The following CACNA1C variants were observed in gnomAD, a reference collection of about 807,000 sequenced individuals.
CACNA1C encodes the protein voltage-dependent L-type calcium channel subunit alpha-1C.
In CACNA1C, 30 loss-of-function variants were observed where a neutral mutation model predicts 229.0. That is an observed-to-expected ratio of 0.13 (90% CI 0.10 to 0.18). The LOEUF (loss-of-function observed/expected upper bound fraction) is 0.18, where lower values mean the gene tolerates loss of function less well. CACNA1C is among the 10% of genes least tolerant of loss of function. The pLI, the probability that CACNA1C is intolerant of heterozygous loss-of-function variation, is 1.00. For synonymous variants in CACNA1C, 1,114 were observed against 1,132.5 expected (o/e 0.98, Z 0.33); for missense variants, 1,658 against 2,845.0 (o/e 0.58, Z 9.49).
chr12:2,663,396 A>G (rs1337745812), intron 34 of CACNA1C, among the ~76,000 whole-genome samples: 4 of 152,242 alleles, frequency 2.6e-5, no homozygotes, highest in Non-Finnish European at 5.9e-5. Flanking sequence ...TACAGCCACT[A>G]TGGAAAACAG....
chr12:2,501,228 A>AAAAAAAAAAAAAAAAAAAAAC (rs2099759344), intron 7 of CACNA1C, among the ~76,000 whole-genome samples: 1 of 150,834 alleles, frequency 6.6e-6, no homozygotes, highest in Non-Finnish European at 1.5e-5. Context: ...AAAAAAAAAA[A>AAAAAAAAAAAAAAAAAAAAAC]AAAAAAGTAA....
intron 44 of CACNA1C, 107 bp from the exon 45 acceptor site, chr12:2,686,059 G>A (rs12829882): frequency 6.5e-5 from 64 of 982,034 alleles, no homozygotes; most frequent in African/African-American, 5.4e-4. Context: ...AAGGAGGAGC[G>A]TCTCGGGCCA....
At chr12:2,510,933 G>A (rs2099782345) in intron 8 of CACNA1C, among the ~76,000 whole-genome samples, 1 of 152,218 alleles carries the variant, frequency 6.6e-6, no homozygotes, top group Non-Finnish European at 1.5e-5. Context: ...CAGGGGATAA[G>A]AGGTTAGGAG....
chr12:2,488,399 G>A lies in CACNA1C; in HGVS notation c.916+2137G>A, dbSNP rs143200312. ...GGGAGCCGTCCTGAAGGCCATAGCC[G>A]TAGGGCCCAGTGAAGAGGTCGCCCC... On this transcript the variant is annotated intron_variant, in intron 6 of 46. Transcript: ENST00000399655. This position sits in a 1 kb window ranked among gnomAD's most constrained non-coding sequence, Gnocchi z 4.0. Among the ~76,000 whole-genome samples the A allele has an allele frequency of 4.9e-3, 741 of 152,304 alleles. 2 individuals are homozygous for A. Among genetic ancestry groups the A allele is most frequent in the African/African-American group, 6.5e-3 (269 of 41,580 alleles).
intron 1 of CACNA1C, among the ~76,000 whole-genome samples, chr12:2,089,366 C>T (rs901176943): frequency 1.5e-4 from 23 of 152,188 alleles, no homozygotes; most frequent in African/African-American, 5.1e-4. Flanking sequence ...ATATTAAATA[C>T]AACAGAGGTC....
Position 2,677,660 on chromosome 12 carries a change from C to A in CACNA1C, c.4957-73C>A. On this transcript the variant is annotated intron_variant, in intron 40 of 46. Coordinates refer to ENST00000399655, the MANE Select transcript of CACNA1C (RefSeq NM_000719.7). This position sits in a 1 kb window ranked among gnomAD's most constrained non-coding sequence, Gnocchi z 7.4. The stretch of plus-strand genomic sequence containing the variant: ...GGGCCCTGGAGGGACAGGTCTTGGC[C>A]CGAGGCTGTGGCTGGCTGGGGAGCT... The A allele has an allele frequency of 6.5e-7, 1 of 1,540,864 alleles. No homozygotes were observed. Among genetic ancestry groups the A allele is most frequent in the Non-Finnish European group, 8.8e-7 (1 of 1,135,996 alleles).
At chr12:2,642,332 C>CCCTTCCCCTCT (rs1569001611) in intron 30 of CACNA1C, among the ~76,000 whole-genome samples, 2 of 152,004 alleles carry the variant, frequency 1.3e-5, no homozygotes, top group African/African-American at 4.8e-5. Context: ...CCTTCCCCTC[C>CCCTTCCCCTCT]GTGTAAGGGT....
upstream of CACNA1C, among the ~76,000 whole-genome samples, chr12:2,052,875 G>A (rs2052655246): frequency 5.6e-5 from 8 of 143,798 alleles, no homozygotes; most frequent in Admixed American, 4.8e-4. Context: ...AGCGTTCAGC[G>A]CGTCTGCCTC....
At chr12:2,650,515 C>T (rs544448865) in intron 31 of CACNA1C, among the ~76,000 whole-genome samples, 7 of 152,278 alleles carry the variant, frequency 4.6e-5, no homozygotes, top group East Asian at 1.9e-4. Flanking sequence ...TCCCGGTGCC[C>T]GCAGGTCTGG....
chr12:2,204,799 T>G (rs28558368), intron 3 of CACNA1C, among the ~76,000 whole-genome samples: 15,557 of 39,460 alleles, frequency 0.39, 893 homozygotes, highest in Admixed American at 0.42. Context: ...GTGGTGGGGT[T>G]GGGGGAGGGG....
At chr12:2,070,555 T>C (rs1018550564) in intron 1 of CACNA1C, among the ~76,000 whole-genome samples, 1 of 152,260 alleles carries the variant, frequency 6.6e-6, no homozygotes, top group Admixed American at 6.5e-5. Context: ...AGGTACAGGA[T>C]TCTGTGTTAG....
chr12:2,021,346 G>T (rs934851655), intron 1 of CACNA1C, among the ~76,000 whole-genome samples: 1 of 152,114 alleles, frequency 6.6e-6, no homozygotes, highest in Non-Finnish European at 1.5e-5. Flanking sequence ...TCAATTTGGT[G>T]CTGCTATACC....
chr12:2,086,773 G>A (rs554342143), intron 1 of CACNA1C, among the ~76,000 whole-genome samples: 18 of 152,288 alleles, frequency 1.2e-4, no homozygotes, highest in South Asian at 8.3e-4. Flanking sequence ...GGGATGGTGC[G>A]TGGGAGCTTC....
intron 11 of CACNA1C, among the ~76,000 whole-genome samples, chr12:2,559,617 A>G (rs929133699): frequency 1.3e-5 from 2 of 152,238 alleles, no homozygotes; most frequent in African/African-American, 2.4e-5. Context: ...GATTGGCACT[A>G]TCATTGAAAC....
chr12:2,178,277 G>A (rs1224467233), intron 3 of CACNA1C, among the ~76,000 whole-genome samples: 3 of 152,204 alleles, frequency 2.0e-5, no homozygotes, highest in Non-Finnish European at 4.4e-5. Context: ...ATGCCAGGAG[G>A]ATTTTGGAGG....
intron 9 of CACNA1C, among the ~76,000 whole-genome samples, chr12:2,516,004 G>A (rs2099795950): frequency 6.6e-6 from 1 of 151,258 alleles, no homozygotes; most frequent in African/African-American, 2.4e-5. Context: ...GTGGAACTTA[G>A]ATTCTAGTAG....
At chr12:2,021,914 C>G (rs2046529339) in intron 1 of CACNA1C, among the ~76,000 whole-genome samples, 1 of 152,172 alleles carries the variant, frequency 6.6e-6, no homozygotes, top group Admixed American at 6.5e-5. Flanking sequence ...GGTTAAGTTT[C>G]CAACACATAC....
intron 3 of CACNA1C, among the ~76,000 whole-genome samples, chr12:2,282,558 G>A (rs2091620879): frequency 6.6e-6 from 1 of 152,166 alleles, no homozygotes; most frequent in Non-Finnish European, 1.5e-5. Context: ...TTAGGAGGAG[G>A]TCACCAAAAC....
chr12:2,429,757 A>C (rs1266625765), intron 3 of CACNA1C, among the ~76,000 whole-genome samples: 1 of 152,122 alleles, frequency 6.6e-6, no homozygotes, highest in Non-Finnish European at 1.5e-5. Flanking sequence ...CTCACTCCCA[A>C]GTACTTCGTG....
Sources: gnomAD v4.1 joint callset for allele counts (sites outside exome capture counted in the v4.1 genomes callset) on GRCh38, gnomAD v4.1.1 for gene constraint, Gnocchi (gnomAD v3.1) non-coding constraint, MANE v1.5 for transcripts, NCBI Gene and HGNC (gene_info 2026-07-23, HGNC 2026-07-21) for gene names.